Variants in TTLL11 observed in about 807,000 individuals in gnomAD.
The protein encoded by TTLL11 is tubulin polyglutamylase TTLL11.
In TTLL11, 42 loss-of-function variants were observed where a neutral mutation model predicts 51.7. The observed-to-expected ratio is 0.81, with a 90% confidence interval of 0.64 to 1.05. The LOEUF is 1.05. Ranked by LOEUF, TTLL11 falls within the 50% of genes least tolerant of loss-of-function variation. The probability of loss-of-function intolerance (pLI) is 0.00; values close to 1 mark genes in which losing one functional copy is unlikely to be tolerated. For synonymous variants in TTLL11, 381 were observed against 383.5 expected, an observed-to-expected ratio of 0.99 and a Z score of 0.08; for missense variants, 799 against 940.4, an observed-to-expected ratio of 0.85 and a Z score of 1.97.
At chr9:122,045,782 A>G (rs1844985303) in intron 1 of TTLL11, among the ~76,000 whole-genome samples, 1 of 152,204 alleles carries the variant, frequency 6.6e-6, no homozygotes, top group Admixed American at 6.5e-5. Context: ...TGCTAAGTGA[A>G]TGAGTCAGAC....
chr9:121,995,165 C>A lies in TTLL11; in HGVS notation c.694-5395G>T, dbSNP rs922176838. Among the ~76,000 whole-genome samples, 1 of 152,214 alleles carries A rather than the reference C, an allele frequency of 6.6e-6. No homozygotes were observed. Among genetic ancestry groups the A allele is most frequent in the South Asian group, 2.1e-4 (1 of 4,810 alleles). On this transcript the variant is annotated intron_variant, in intron 3 of 8. Coordinates refer to ENST00000321582, the MANE Select transcript of TTLL11 (RefSeq NM_001139442.2). This position sits in a 1 kb window ranked among gnomAD's most constrained non-coding sequence, Gnocchi z 4.4. ...CCCCCAAGGATGGCCAAGGCCCTCG[C>A]AATGGGCCAGATTATCCAGAGACAG...
At chr9:122,008,312 A>C (rs1843708237) in intron 3 of TTLL11, among the ~76,000 whole-genome samples, 1 of 152,242 alleles carries the variant, frequency 6.6e-6, no homozygotes. Flanking sequence ...AATGGGAGAA[A>C]ATATTTGCAA....
intron 1 of TTLL11, among the ~76,000 whole-genome samples, chr9:122,068,561 T>C (rs915539002): frequency 2.0e-5 from 3 of 152,068 alleles, no homozygotes; most frequent in African/African-American, 7.3e-5. Flanking sequence ...GTGGGGGTTA[T>C]TATACCCCAT....
intron 6 of TTLL11, among the ~76,000 whole-genome samples, chr9:121,959,154 G>A (rs1438684787): frequency 1.3e-5 from 2 of 152,160 alleles, no homozygotes; most frequent in Non-Finnish European, 2.9e-5. Flanking sequence ...ATGCTGAGGT[G>A]GAACAGGGTT....
At chr9:121,868,261 C>T (rs1334707034) in intron 7 of TTLL11, among the ~76,000 whole-genome samples, 1 of 152,156 alleles carries the variant, frequency 6.6e-6, no homozygotes, top group African/African-American at 2.4e-5. Flanking sequence ...TGTCACTAAG[C>T]TGCTTTCTTA....
chr9:121,944,337 G>A (rs974922443), intron 6 of TTLL11, among the ~76,000 whole-genome samples: 10 of 152,120 alleles, frequency 6.6e-5, no homozygotes, highest in South Asian at 4.1e-4. Flanking sequence ...ACGAATCCCC[G>A]CCTCCACTAA....
In TTLL11 at chr9:121,871,786, T is replaced by C. The variant is rs1351533932; in HGVS notation, c.1482-1038A>G. 2.0e-5 allele frequency among the ~76,000 whole-genome samples: 3 copies of C among 152,230 alleles called. No individual in the cohort carries two copies. In the East Asian group the frequency reaches 5.8e-4, roughly 29 times the overall value. ...GCACACAGTTCCAGCCCAAGCCTTG[T>C]GTGCTGCTCCTCCCAACCTGCCACT... On this transcript the variant is annotated intron_variant, in intron 6 of 8. Transcript: ENST00000321582.
chr9:121,975,038 A>G (rs1489321472), intron 4 of TTLL11, 59 bp from the exon 5 acceptor site: 2 of 1,242,766 alleles, frequency 1.6e-6, no homozygotes, highest in Non-Finnish European at 2.2e-6. Flanking sequence ...TATTAGGGTC[A>G]TTAAGTTGAA....
chr9:122,017,092 A>G (rs1844010422), intron 3 of TTLL11, among the ~76,000 whole-genome samples: 1 of 152,224 alleles, frequency 6.6e-6, no homozygotes, highest in Non-Finnish European at 1.5e-5. Flanking sequence ...TAATTAATGT[A>G]AGAAATAACC....
At chr9:122,056,831 A>G (rs965576448) in intron 1 of TTLL11, among the ~76,000 whole-genome samples, 1 of 152,204 alleles carries the variant, frequency 6.6e-6, no homozygotes, top group African/African-American at 2.4e-5. Flanking sequence ...TAGTGTTGGG[A>G]ATGGGAGTAT....
At chr9:121,855,364 C>A (rs2131373415) in intron 8 of TTLL11, among the ~76,000 whole-genome samples, 1 of 152,308 alleles carries the variant, frequency 6.6e-6, no homozygotes, top group African/African-American at 2.4e-5. Context: ...TTTTAGATTT[C>A]ATCATGTGCA....
At chr9:122,084,693 T>C (rs1043417974) in intron 1 of TTLL11, among the ~76,000 whole-genome samples, 1 of 152,248 alleles carries the variant, frequency 6.6e-6, no homozygotes, top group Admixed American at 6.5e-5. Flanking sequence ...ATTCTTACTT[T>C]AAAGTGCCAG....
intron 6 of TTLL11, among the ~76,000 whole-genome samples, chr9:121,950,724 C>T (rs1395561748): frequency 1.3e-5 from 2 of 152,066 alleles, no homozygotes; most frequent in Non-Finnish European, 2.9e-5. Context: ...TGCCGAATGC[C>T]AATGACAGGA....
chr9:121,904,101 T>C (rs1185525751), intron 6 of TTLL11, among the ~76,000 whole-genome samples: 1 of 151,986 alleles, frequency 6.6e-6, no homozygotes, highest in East Asian at 1.9e-4. Flanking sequence ...TTGGAGAAAA[T>C]ACTAACAACT....
In TTLL11 at chr9:121,826,184, C is replaced by CCATATA. The variant is rs1491277758; in HGVS notation, c.1841-3306_1841-3305insTATATG. On this transcript the variant is annotated intron_variant, in intron 8 of 8. Transcript: ENST00000321582. ...TATATATATATATATAACCAGTAAC[C>CCATATA]TATATATATATATATATATATATAT... Among the ~76,000 whole-genome samples the CCATATA allele has an allele frequency of 2.7e-3, 136 of 51,102 alleles. 14 individuals are homozygous for CCATATA. Among genetic ancestry groups the CCATATA allele is most frequent in the African/African-American group, 0.011 (123 of 11,448 alleles). 33.5% of individuals were successfully genotyped at this position (51,102 alleles called of 152,430 possible).
chr9:122,050,143 A>T (rs1461249359), intron 1 of TTLL11, among the ~76,000 whole-genome samples: 1 of 152,206 alleles, frequency 6.6e-6, no homozygotes, highest in Non-Finnish European at 1.5e-5. Context: ...GAAAAACAAT[A>T]GTAATAAAAC....
chr9:122,038,564 G>C (rs1844762044), intron 2 of TTLL11, among the ~76,000 whole-genome samples: 1 of 152,160 alleles, frequency 6.6e-6, no homozygotes, highest in South Asian at 2.1e-4. Flanking sequence ...CAGGAGAATT[G>C]CTTGAACCTG....
At position 121,974,827 on chromosome 9, in the gene TTLL11, G is replaced by A; in HGVS notation, c.1365+57C>T. 3 of 1,276,330 alleles carry A rather than the reference G, an allele frequency of 2.4e-6. No individual in the cohort carries two copies. In the South Asian group the frequency reaches 4.1e-5, roughly 17 times the overall value. 79.1% of individuals were successfully genotyped at this position (1,276,330 alleles called of 1,614,324 possible). ...TTGTTTTGTTAAGTGAGCAACATGAGGGTAGGAATATTCAGCTGTATGGCA... is the reference window on the plus strand; with the variant it reads ...TTGTTTTGTTAAGTGAGCAACATGAAGGTAGGAATATTCAGCTGTATGGCA... On this transcript the variant is annotated intron_variant, in intron 5 of 8. Transcript: ENST00000321582.
chr9:121,941,168 T>C (rs1039060149), intron 6 of TTLL11, among the ~76,000 whole-genome samples: 3 of 152,234 alleles, frequency 2.0e-5, no homozygotes, highest in Admixed American at 6.5e-5. Flanking sequence ...GCTTACTCTT[T>C]ACCTTCTAAA....
Sources: allele counts gnomAD v4.1 joint callset (sites outside exome capture counted in the v4.1 genomes callset), GRCh38; gene constraint gnomAD v4.1.1; non-coding constraint Gnocchi (gnomAD v3.1); transcripts MANE v1.5; gene names NCBI Gene and HGNC (gene_info 2026-07-23, HGNC 2026-07-21).